Variants in EFCAB6 observed in about 807,000 individuals in gnomAD.
EFCAB6 encodes EF-hand calcium-binding domain-containing protein 6.
Under a neutral mutation model 169.8 loss-of-function variants are expected in EFCAB6, and 156 were observed. The ratio of observed to expected loss-of-function variants is 0.92; its 90% confidence interval spans 0.81 to 1.05. The LOEUF (loss-of-function observed/expected upper bound fraction) is 1.05. EFCAB6 is among the 50% of genes least tolerant of loss of function. EFCAB6 has a pLI of 0.00. For missense variants in EFCAB6, 1,800 were observed against 1,829.1 expected, an observed-to-expected ratio of 0.98 and a Z score of 0.29; for synonymous variants, 698 against 676.4, an observed-to-expected ratio of 1.03 and a Z score of -0.50.
At chr22:43,574,553 T>A (rs188447918) in intron 26 of EFCAB6, among the ~76,000 whole-genome samples, 1 of 152,206 alleles carries the variant, frequency 6.6e-6, no homozygotes, top group East Asian at 1.9e-4. Flanking sequence ...ATCCCCATCA[T>A]CGTGGGGTCT....
intron 17 of EFCAB6, among the ~76,000 whole-genome samples, chr22:43,642,103 G>A (rs1031845738): frequency 3.3e-5 from 5 of 152,040 alleles, no homozygotes; most frequent in Admixed American, 1.3e-4. Context: ...CACCACACCC[G>A]GCTAATTTTA....
chr22:43,554,870 T>G lies in EFCAB6; in HGVS notation c.3647A>C (p.Gln1216Pro), dbSNP rs2048605791. 6.2e-7 allele frequency: 1 copy of G among 1,614,030 alleles called. No homozygotes were observed. The highest frequency in any genetic ancestry group is 8.5e-7 in the Non-Finnish European group (1 of 1,179,966). ...NRRVQILTDE[Q>P]FDRLWNEMPV... ...TGAGGACTGACTGGCGTTTCTTACCTGTTCGTCCGTCAGGATTTGGACGCG... is the reference window on the plus strand; with the variant it reads ...TGAGGACTGACTGGCGTTTCTTACCGGTTCGTCCGTCAGGATTTGGACGCG... Residue 1216 changes from glutamine (Q) to proline (P), a missense_variant and splice_region_variant, in exon 27 of 32, where the codon CAG becomes CCG. Gln to Pro is a moderately conservative substitution (Grantham distance 76). Transcript: ENST00000262726.
intron 17 of EFCAB6, among the ~76,000 whole-genome samples, chr22:43,648,228 G>A (rs1440141273): frequency 6.6e-6 from 1 of 151,952 alleles, no homozygotes; most frequent in Non-Finnish European, 1.5e-5. Flanking sequence ...TGAGGCTGAG[G>A]GGTGTGCCCA....
intron 16 of EFCAB6, 89 bp downstream of exon 16, chr22:43,668,783 A>G: frequency 8.2e-7 from 1 of 1,218,354 alleles, no homozygotes; most frequent in Non-Finnish European, 1.1e-6. Flanking sequence ...TGAAATATTA[A>G]AATACTCAGT....
At chr22:43,789,742 C>A (rs888950247) in intron 2 of EFCAB6, among the ~76,000 whole-genome samples, 1 of 151,910 alleles carries the variant, frequency 6.6e-6, no homozygotes, top group Non-Finnish European at 1.5e-5. Context: ...CTGACTCATT[C>A]CTTTTTGGCT....
chr22:43,676,770 A>G (rs1172975668), intron 13 of EFCAB6, among the ~76,000 whole-genome samples: 1 of 152,232 alleles, frequency 6.6e-6, no homozygotes, highest in African/African-American at 2.4e-5. Flanking sequence ...ACCAAGAAGT[A>G]TGCCATAAAC....
At chr22:43,775,695 C>A (rs1239914326) in intron 3 of EFCAB6, among the ~76,000 whole-genome samples, 1 of 152,210 alleles carries the variant, frequency 6.6e-6, no homozygotes, top group African/African-American at 2.4e-5. Flanking sequence ...CCACCCGCCT[C>A]GGCCTCCCAA....
chr22:43,641,155 TAAG>T (rs1359843798), intron 17 of EFCAB6, among the ~76,000 whole-genome samples: 5 of 152,240 alleles, frequency 3.3e-5, no homozygotes, highest in East Asian at 3.8e-4. Context: ...AAAAGTTGAA[TAAG>T]AAGAAGAGCA....
intron 1 of EFCAB6, among the ~76,000 whole-genome samples, chr22:43,810,754 C>T (rs1345766076): frequency 6.6e-6 from 1 of 152,140 alleles, no homozygotes; most frequent in Non-Finnish European, 1.5e-5. Context: ...TATCATGAAC[C>T]AAGCATTAAA....
At chr22:43,531,380 G>GT (rs1457496450) in intron 30 of EFCAB6, among the ~76,000 whole-genome samples, 2 of 152,110 alleles carry the variant, frequency 1.3e-5, no homozygotes, top group East Asian at 3.9e-4. Flanking sequence ...TTTGAAAATA[G>GT]TTTGAGGAAA....
chr22:43,770,157 A>T (rs112768183), intron 4 of EFCAB6, among the ~76,000 whole-genome samples: 12,060 of 151,946 alleles, frequency 0.079, 648 homozygotes, highest in South Asian at 0.2. Context: ...GTACCCAGCC[A>T]AGGTCAGCTA....
At chr22:43,671,931 T>G in intron 15 of EFCAB6, 42 bp downstream of exon 15, 1 of 1,605,966 alleles carries the variant, frequency 6.2e-7, no homozygotes, top group South Asian at 1.1e-5. Flanking sequence ...ACAGGCCTGA[T>G]GAAAAACACG....
intron 17 of EFCAB6, among the ~76,000 whole-genome samples, chr22:43,658,584 T>G (rs1177641517): frequency 6.6e-6 from 1 of 152,132 alleles, no homozygotes; most frequent in Non-Finnish European, 1.5e-5. Flanking sequence ...GCCCTGAGAA[T>G]ACAAAAGTGA....
chr22:43,586,109 CT>C (rs930925604), intron 24 of EFCAB6, among the ~76,000 whole-genome samples: 2 of 152,010 alleles, frequency 1.3e-5, no homozygotes, highest in African/African-American at 2.4e-5. Flanking sequence ...AAAATAACAT[CT>C]TTTTTTTCTC....
chr22:43,740,888 G>A (rs184014454), intron 6 of EFCAB6, among the ~76,000 whole-genome samples: 2 of 152,254 alleles, frequency 1.3e-5, no homozygotes, highest in East Asian at 3.9e-4. Flanking sequence ...ACATGAGCAC[G>A]ATGCGCTTTT....
At chr22:43,784,502 A>ATT (rs556467993) in intron 2 of EFCAB6, among the ~76,000 whole-genome samples, 1 of 86,868 alleles carries the variant, frequency 1.2e-5, no homozygotes, top group African/African-American at 4.0e-5. Context: ...AAAAAAAAAA[A>ATT]ATATATATAT....
At chr22:43,735,768 G>A in intron 7 of EFCAB6, 89 bp downstream of exon 7, 1 of 1,477,824 alleles carries the variant, frequency 6.8e-7, no homozygotes, top group South Asian at 1.3e-5. Flanking sequence ...GGTGAGAGAT[G>A]GATGGAGCCA....
At chr22:43,691,947 C>T (rs1334949024) in intron 10 of EFCAB6, among the ~76,000 whole-genome samples, 3 of 152,066 alleles carry the variant, frequency 2.0e-5, no homozygotes, top group Non-Finnish European at 4.4e-5. Flanking sequence ...TCGGATGAGG[C>T]ACTGCAGCAT....
chr22:43,540,902 G>A (rs928428793), intron 27 of EFCAB6, among the ~76,000 whole-genome samples: 2 of 152,086 alleles, frequency 1.3e-5, no homozygotes, highest in Admixed American at 1.3e-4. Context: ...ACCAGGGAGC[G>A]GTTTATGGCT....
Sources: gnomAD v4.1 joint callset for allele counts (sites outside exome capture counted in the v4.1 genomes callset) on GRCh38, gnomAD v4.1.1 for gene constraint, MANE v1.5 for transcripts, NCBI Gene and HGNC (gene_info 2026-07-23, HGNC 2026-07-21) for gene names.